Variants in TECRL observed in about 807,000 individuals in gnomAD.
TECRL encodes the protein trans-2,3-enoyl-CoA reductase like.
A neutral mutation model predicts 52.8 loss-of-function variants in TECRL; 63 were observed. The observed-to-expected ratio is 1.19, with a 90% CI of 0.97 to 1.47. The LOEUF (loss-of-function observed/expected upper bound fraction) is 1.47, where lower values mean the gene tolerates loss of function less well. TECRL is among the 40% of genes most tolerant of loss of function. The pLI is 0.00. For missense variants in TECRL, 482 were observed against 429.6 expected, an observed-to-expected ratio of 1.12 and a Z score of -1.08; for synonymous variants, 164 against 141.9, an observed-to-expected ratio of 1.16 and a Z score of -1.10.
intron 9 of TECRL, among the ~76,000 whole-genome samples, chr4:64,288,290 G>C (rs1723185432): frequency 6.6e-6 from 1 of 152,132 alleles, no homozygotes. Flanking sequence ...TGAGAGCCTT[G>C]AAGATGAGGA....
intron 1 of TECRL, among the ~76,000 whole-genome samples, chr4:64,389,657 A>AT (rs1723414214): frequency 6.6e-6 from 1 of 151,856 alleles, no homozygotes; most frequent in Non-Finnish European, 1.5e-5. Context: ...GTACAAAATG[A>AT]TTGTAGAGAA....
intron 4 of TECRL, among the ~76,000 whole-genome samples, chr4:64,319,958 A>G (rs1277316273): frequency 2.0e-5 from 3 of 151,932 alleles, no homozygotes; most frequent in Non-Finnish European, 4.4e-5. Flanking sequence ...GTATGTAAGT[A>G]TGCAAAGATA....
At chr4:64,382,191 G>GTATATATATA (rs200934355) in intron 1 of TECRL, among the ~76,000 whole-genome samples, 5 of 13,368 alleles carry the variant, frequency 3.7e-4, no homozygotes, top group African/African-American at 6.0e-4. Flanking sequence ...GGAAATTTCT[G>GTATATATATA]TATATATATA....
chr4:64,292,773 C>A (rs1337588016), intron 8 of TECRL, among the ~76,000 whole-genome samples: 2 of 151,798 alleles, frequency 1.3e-5, no homozygotes, highest in East Asian at 3.9e-4. Context: ...TAACCAGGTG[C>A]TTTTTGCTCT....
intron 1 of TECRL, among the ~76,000 whole-genome samples, chr4:64,391,281 G>A (rs1215601936): frequency 2.6e-5 from 4 of 151,774 alleles, no homozygotes; most frequent in Admixed American, 2.6e-4. Context: ...TTTTGTCAAG[G>A]AAGTTGATCT....
At chr4:64,332,038 GA>G (rs1213237623) in intron 2 of TECRL, among the ~76,000 whole-genome samples, 1 of 152,098 alleles carries the variant, frequency 6.6e-6, no homozygotes, top group Non-Finnish European at 1.5e-5. Flanking sequence ...GAGTGGTTAA[GA>G]AAAATAAAAA....
At chr4:64,337,341 G>T (rs1719175451) in intron 2 of TECRL, among the ~76,000 whole-genome samples, 1 of 152,088 alleles carries the variant, frequency 6.6e-6, no homozygotes, top group South Asian at 2.1e-4. Context: ...GCAAAAACTG[G>T]AAGCATTCCC....
Position 64,403,406 on chromosome 4 carries a change from T to G in TECRL, c.234+5712A>C, listed in dbSNP as rs570175023. Among the ~76,000 whole-genome samples the G allele has an allele frequency of 1.9e-3, 281 of 151,426 alleles. 2 individuals are homozygous for G. The highest frequency in any genetic ancestry group is 6.4e-3 in the African/African-American group (263 of 41,300). On this transcript the variant is annotated intron_variant, in intron 1 of 11. Transcript: ENST00000381210. Reference sequence around the variant, plus strand: ...ATTTCTAACTGCCTGTCTACTTGTCTGCACTCAAAATAAGAAAGCAAGCTA... The same window carrying G: ...ATTTCTAACTGCCTGTCTACTTGTCGGCACTCAAAATAAGAAAGCAAGCTA...
At position 64,277,778 on chromosome 4, in the gene TECRL, A is replaced by G. The variant is rs990083481; in HGVS notation, c.*2294T>C. 3 of 134,718 alleles carry G rather than the reference A, an allele frequency of 2.2e-5. No individual in the cohort carries two copies. Among genetic ancestry groups the G allele is most frequent in the Admixed American group, 8.2e-5 (1 of 12,226 alleles). 8.3% of individuals were successfully genotyped at this position (134,718 alleles called of 1,614,324 possible). ...CCATAGACTAACAAATCTAAAAATC[A>G]CAATTTAAAAATGAAGAAACTGAAA... On this transcript the variant is annotated 3_prime_UTR_variant, in exon 12 of 12. Transcript: ENST00000381210.
chr4:64,407,085 A>G (rs901605217), intron 1 of TECRL, among the ~76,000 whole-genome samples: 1 of 152,198 alleles, frequency 6.6e-6, no homozygotes, highest in Middle Eastern at 3.4e-3. Context: ...CAGTTTATCA[A>G]TTTACAAACT....
intron 3 of TECRL, 120 bp from the exon 4 acceptor site, chr4:64,322,912 T>C (rs1718007040): frequency 1.4e-6 from 1 of 724,256 alleles, no homozygotes; most frequent in South Asian, 2.4e-5. Context: ...AATTACAATG[T>C]ACAAGAAATC....
intron 1 of TECRL, among the ~76,000 whole-genome samples, chr4:64,392,763 T>C (rs1468205596): frequency 1.3e-5 from 2 of 151,974 alleles, no homozygotes; most frequent in Non-Finnish European, 2.9e-5. Context: ...TAACAACTTT[T>C]TTCTAGATCA....
intron 2 of TECRL, among the ~76,000 whole-genome samples, chr4:64,341,914 G>A (rs115254260): frequency 0.078 from 11,831 of 152,196 alleles, 617 homozygotes; most frequent in African/African-American, 0.14. Context: ...TGACTGTGGA[G>A]TGGCCTGATC....
chr4:64,407,440 GA>G (rs1724805586), intron 1 of TECRL, among the ~76,000 whole-genome samples: 1 of 151,382 alleles, frequency 6.6e-6, no homozygotes, highest in African/African-American at 2.4e-5. Flanking sequence ...ATATGAATAA[GA>G]AAAAATTTAA....
chr4:64,363,696 G>A (rs187161415), intron 2 of TECRL, among the ~76,000 whole-genome samples: 4 of 152,276 alleles, frequency 2.6e-5, no homozygotes, highest in Non-Finnish European at 5.9e-5. Context: ...CCTAATGCTT[G>A]CTTGGACCAG....
chr4:64,337,026 G>A (rs539618361), intron 2 of TECRL, among the ~76,000 whole-genome samples: 50 of 152,168 alleles, frequency 3.3e-4, no homozygotes, highest in African/African-American at 6.3e-4. Context: ...TATTAGGTCC[G>A]CTTGGTGCAG....
At chr4:64,327,836 A>G (rs1718367128) in intron 3 of TECRL, among the ~76,000 whole-genome samples, 2 of 152,144 alleles carry the variant, frequency 1.3e-5, no homozygotes, top group Admixed American at 1.3e-4. Context: ...TTATTTATGA[A>G]AAATTGGGAG....
chr4:64,307,764 A>G (rs1724424784), intron 6 of TECRL, among the ~76,000 whole-genome samples: 1 of 152,186 alleles, frequency 6.6e-6, no homozygotes, highest in Non-Finnish European at 1.5e-5. Flanking sequence ...TGTTACTCTT[A>G]AATCAAACTC....
intron 2 of TECRL, among the ~76,000 whole-genome samples, chr4:64,337,354 T>C (rs1406240847): frequency 6.6e-6 from 1 of 152,164 alleles, no homozygotes; most frequent in African/African-American, 2.4e-5. Context: ...GCATTCCCTT[T>C]GAAAACTGGC....
Sources: allele counts gnomAD v4.1 joint callset (sites outside exome capture counted in the v4.1 genomes callset), GRCh38; gene constraint gnomAD v4.1.1; transcripts MANE v1.5; gene names NCBI Gene and HGNC (gene_info 2026-07-23, HGNC 2026-07-21).